The following C3orf49 variants were observed in gnomAD, a reference collection of about 807,000 sequenced individuals.
The protein encoded by C3orf49 is putative uncharacterized protein C3orf49.
C3orf49 carries 27 observed loss-of-function variants against 13.3 expected under a neutral mutation model. The ratio of observed to expected loss-of-function variants is 2.02; its 90% CI spans 1.49 to 2.79. The LOEUF is 2.79. Among genes scored for constraint, C3orf49 ranks in the 30% most tolerant of loss-of-function variants. The pLI is 0.00. For missense variants in C3orf49, 242 were observed against 134.2 expected (o/e 1.80, Z -3.97); for synonymous variants, 87 against 47.6 (o/e 1.83, Z -3.40).
intron 5 of C3orf49, among the ~76,000 whole-genome samples, chr3:63,842,273 C>T (rs1228208655): frequency 6.6e-6 from 1 of 152,108 alleles, no homozygotes; most frequent in Admixed American, 6.6e-5. Context: ...TACTAGCTCA[C>T]CCCACTGAGA....
chr3:63,816,505 G>A (rs2107086859), upstream of C3orf49, among the ~76,000 whole-genome samples: 1 of 151,826 alleles, frequency 6.6e-6, no homozygotes, highest in South Asian at 2.1e-4. Context: ...AGAATCGCTT[G>A]AACCCAGAAG....
At chr3:63,846,837 C>T (rs1263070329) in intron 6 of C3orf49, among the ~76,000 whole-genome samples, 3 of 152,092 alleles carry the variant, frequency 2.0e-5, no homozygotes, top group Admixed American at 2.0e-4. Flanking sequence ...CTATCAAGTA[C>T]CCAACAAGTC....
Position 63,828,422 on chromosome 3 carries a change from C to T in C3orf49, c.570+697C>T, listed in dbSNP as rs114007093. Among the ~76,000 whole-genome samples the T allele has an allele frequency of 3.7e-3, 557 of 152,302 alleles. 3 individuals are homozygous for T. Among genetic ancestry groups the T allele is most frequent in the Middle Eastern group, 6.8e-3 (2 of 294 alleles). On this transcript the variant is annotated intron_variant, in intron 3 of 6. Transcript: ENST00000295896. ...TTAAGTGATTCTCTTACCTCAGCCT[C>T]CCATCTAGCTGGGACTACAGGCGTG... is the stretch of plus-strand genomic sequence containing the variant.
At chr3:63,799,532 A>G in the C3orf49 span, among the ~76,000 whole-genome samples, 3 of 152,174 alleles carry the variant, frequency 2.0e-5, no homozygotes, top group Non-Finnish European at 2.9e-5. Flanking sequence ...TTTTCTATCA[A>G]TTCATTAGCT....
intron 5 of C3orf49, chr3:63,839,812 G>C (rs143457856): frequency 1.9e-6 from 3 of 1,560,778 alleles, no homozygotes; most frequent in Non-Finnish European, 2.6e-6. Flanking sequence ...CTGGCTCTTG[G>C]TAACTTTCAA....
intron 6 of C3orf49, among the ~76,000 whole-genome samples, chr3:63,846,808 T>G (rs1200024338): frequency 6.6e-6 from 1 of 152,142 alleles, no homozygotes; most frequent in Non-Finnish European, 1.5e-5. Flanking sequence ...AGAGGCAGAA[T>G]GATAGTCTCC....
the C3orf49 span, among the ~76,000 whole-genome samples, chr3:63,794,334 T>G: frequency 6.6e-6 from 1 of 151,918 alleles, no homozygotes; most frequent in Non-Finnish European, 1.5e-5. Flanking sequence ...CATGCCTGGA[T>G]GCCATCACTT....
At chr3:63,826,602 G>C (rs1023586192) in intron 2 of C3orf49, among the ~76,000 whole-genome samples, 2 of 152,154 alleles carry the variant, frequency 1.3e-5, no homozygotes, top group African/African-American at 4.8e-5. Flanking sequence ...CCAAGTGGAA[G>C]TGTCAAGTAG....
intron 5 of C3orf49, among the ~76,000 whole-genome samples, chr3:63,840,540 A>G (rs1701734318): frequency 6.6e-6 from 1 of 152,212 alleles, no homozygotes; most frequent in African/African-American, 2.4e-5. Flanking sequence ...GCATTGAGCC[A>G]TGATCTCACC....
chr3:63,782,728 C>A, the C3orf49 span: 1 of 152,160 alleles, frequency 6.6e-6, no homozygotes, highest in Non-Finnish European at 1.5e-5. Flanking sequence ...TCAGTCGAGT[C>A]AGTTGAAAGG....
At chr3:63,796,834 C>A in the C3orf49 span, among the ~76,000 whole-genome samples, 2 of 152,062 alleles carry the variant, frequency 1.3e-5, no homozygotes, top group African/African-American at 4.8e-5. Flanking sequence ...CCTTCTATAT[C>A]CTTCTTTATG....
At chr3:63,794,172 TACACACACACACACAC>T in the C3orf49 span, among the ~76,000 whole-genome samples, 1 of 142,614 alleles carries the variant, frequency 7.0e-6, no homozygotes, top group Non-Finnish European at 1.6e-5. Flanking sequence ...TACACACACA[TACACACACACACACAC>T]ACACACACAC....
intron 5 of C3orf49, among the ~76,000 whole-genome samples, chr3:63,843,265 T>A (rs748280256): frequency 2.6e-5 from 4 of 152,026 alleles, no homozygotes; most frequent in Non-Finnish European, 4.4e-5. Flanking sequence ...ATTACAGGCA[T>A]GTGCCACCAT....
chr3:63,811,526 C>T, the C3orf49 span, among the ~76,000 whole-genome samples: 1 of 151,006 alleles, frequency 6.6e-6, no homozygotes, highest in Non-Finnish European at 1.5e-5. Flanking sequence ...TCACTGCACT[C>T]CAGCCTGGGT....
chr3:63,789,217 G>T, the C3orf49 span, among the ~76,000 whole-genome samples: 1 of 152,110 alleles, frequency 6.6e-6, no homozygotes, highest in Non-Finnish European at 1.5e-5. Context: ...TAGGCTGCAC[G>T]CTCTTTATGA....
intron 5 of C3orf49, among the ~76,000 whole-genome samples, chr3:63,837,023 A>G (rs192360517): frequency 2.2e-4 from 33 of 152,070 alleles, no homozygotes; most frequent in Admixed American, 2.0e-3. Context: ...AGGCACCAAA[A>G]CTTCACCATA....
chr3:63,834,328 C>A, intron 5 of C3orf49: 4 of 822,582 alleles, frequency 4.9e-6, no homozygotes, highest in South Asian at 1.8e-5. Context: ...CTAGTTGAAT[C>A]AAACTTTAAA....
chr3:63,814,402 G>C (rs1440139611), upstream of C3orf49, among the ~76,000 whole-genome samples: 2 of 151,600 alleles, frequency 1.3e-5, no homozygotes, highest in Non-Finnish European at 1.5e-5. Context: ...ACATTTCCCT[G>C]CTTGGTTCCT....
intron 5 of C3orf49, chr3:63,835,414 C>T: frequency 2.5e-6 from 4 of 1,609,490 alleles, no homozygotes; most frequent in Non-Finnish European, 1.7e-6. Context: ...AACAGTGTTA[C>T]ATTTTGCTGA....
Sources: gnomAD v4.1 joint callset for allele counts (sites outside exome capture counted in the v4.1 genomes callset) on GRCh38, gnomAD v4.1.1 for gene constraint, MANE v1.5 for transcripts, NCBI Gene and HGNC (gene_info 2026-07-23, HGNC 2026-07-21) for gene names.